The following ZFHX3 variants were observed in gnomAD, a reference collection of about 807,000 sequenced individuals.
ZFHX3 encodes the protein zinc finger homeobox 3.
A neutral mutation model predicts 279.1 loss-of-function variants in ZFHX3; 42 were observed. The observed-to-expected ratio is 0.15, with a 90% CI of 0.12 to 0.19. ZFHX3 has a LOEUF of 0.19. ZFHX3 is among the 10% of genes least tolerant of loss of function. The probability of loss-of-function intolerance (pLI) is 1.00; values close to 1 mark genes in which losing one functional copy is unlikely to be tolerated. For synonymous variants in ZFHX3, 2,293 were observed against 1,957.8 expected (o/e 1.17, Z -4.52); for missense variants, 4,981 against 4,754.0 (o/e 1.05, Z -1.40).
At chr16:72,999,591 C>T (rs1420928167) in intron 1 of ZFHX3, among the ~76,000 whole-genome samples, 6 of 152,182 alleles carry the variant, frequency 3.9e-5, no homozygotes, top group South Asian at 4.1e-4. Flanking sequence ...CAGAAAACTT[C>T]GCAGGCTCAG....
intron 1 of ZFHX3, among the ~76,000 whole-genome samples, chr16:73,772,195 T>C (rs1425059496): frequency 1.3e-5 from 2 of 152,162 alleles, no homozygotes; most frequent in East Asian, 3.9e-4. Context: ...CTAGTCTGTT[T>C]TCACACTGCT....
At chr16:72,981,604 G>C (rs1376557644) in intron 1 of ZFHX3, among the ~76,000 whole-genome samples, 1 of 152,110 alleles carries the variant, frequency 6.6e-6, no homozygotes, top group African/African-American at 2.4e-5. Context: ...GCTCCCAATT[G>C]GGCTGGTTCT....
chr16:73,276,147 G>A (rs1337028073), intron 4 of ZFHX3, among the ~76,000 whole-genome samples: 2 of 151,258 alleles, frequency 1.3e-5, no homozygotes, highest in Non-Finnish European at 3.0e-5. Context: ...GGCATTGGAG[G>A]GGCTGTATTT....
intron 5 of ZFHX3, among the ~76,000 whole-genome samples, chr16:73,222,988 A>C (rs1296366709): frequency 1.3e-5 from 2 of 152,192 alleles, no homozygotes; most frequent in African/African-American, 4.8e-5. Flanking sequence ...TTTTAAACAA[A>C]TGTTGGTGGA....
chr16:73,319,721 C>A (rs748532653), intron 3 of ZFHX3, among the ~76,000 whole-genome samples: 1 of 152,122 alleles, frequency 6.6e-6, no homozygotes, highest in Non-Finnish European at 1.5e-5. Context: ...TCTGTTTATA[C>A]AACAATTTAT....
chr16:72,795,934 T>C lies in ZFHX3; in HGVS notation c.6748A>G (p.Thr2250Ala). The change falls in exon 9 of 10, where the codon ACG becomes GCG. Residue 2250 changes from threonine to alanine, a missense_variant. Physicochemically the swap from Thr to Ala is moderately conservative, Grantham distance 58 (BLOSUM62 0). Around this residue, in one of 7 missense-constraint regions of ZFHX3, gnomAD observed 177 missense variants for 244.2 expected, o/e 0.72. Coordinates refer to ENST00000268489, the MANE Select transcript of ZFHX3 (RefSeq NM_006885.4). Reference sequence around the variant, plus strand: ...TGTAAGACCCTCAGCTGGTAGTCCGTAAACCTTGTTCTTGAAGACCTCTTG... The same window carrying C: ...TGTAAGACCCTCAGCTGGTAGTCCGCAAACCTTGTTCTTGAAGACCTCTTG... ...GSKRSSRTRF[T>A]DYQLRVLQDF... is the part of the protein sequence containing the mutation. 6.2e-7 allele frequency: 1 copy of C among 1,614,178 alleles called. No individual in the cohort carries two copies. The highest frequency in any genetic ancestry group is 8.5e-7 in the Non-Finnish European group (1 of 1,180,032).
chr16:73,674,518 T>C (rs1306524591), intron 2 of ZFHX3, among the ~76,000 whole-genome samples: 1 of 152,218 alleles, frequency 6.6e-6, no homozygotes, highest in Non-Finnish European at 1.5e-5. Context: ...ATGAATTCCT[T>C]TGGTTTTCAG....
chr16:73,080,716 G>A (rs777204038), intron 8 of ZFHX3, among the ~76,000 whole-genome samples: 10 of 151,942 alleles, frequency 6.6e-5, no homozygotes, highest in Non-Finnish European at 1.5e-4. Context: ...TGGGATTATC[G>A]GCATACACCA....
chr16:73,483,284 G>A, intron 2 of ZFHX3: 1 of 430,542 alleles, frequency 2.3e-6, no homozygotes, highest in Non-Finnish European at 4.6e-6. Context: ...GCATAGACAC[G>A]TGCACGGAGC....
chr16:73,341,517 C>T (rs1278631724), intron 3 of ZFHX3, among the ~76,000 whole-genome samples: 2 of 152,116 alleles, frequency 1.3e-5, no homozygotes, highest in East Asian at 3.8e-4. Flanking sequence ...TTGATGGTTC[C>T]TCAAACGATT....
intron 3 of ZFHX3, among the ~76,000 whole-genome samples, chr16:72,935,343 C>A (rs373662364): frequency 2.0e-5 from 3 of 152,240 alleles, no homozygotes; most frequent in South Asian, 2.1e-4. Flanking sequence ...GACAAAGACG[C>A]TCGCCCAAGG....
intron 4 of ZFHX3, among the ~76,000 whole-genome samples, chr16:72,880,362 TTTA>T (rs1280672528): frequency 6.6e-6 from 1 of 152,022 alleles, no homozygotes; most frequent in Non-Finnish European, 1.5e-5. Flanking sequence ...AGACAGGACT[TTTA>T]AGGAGGTGAT....
chr16:73,788,387 A>G (rs1335324399), intron 1 of ZFHX3, among the ~76,000 whole-genome samples: 1 of 152,176 alleles, frequency 6.6e-6, no homozygotes, highest in African/African-American at 2.4e-5. Context: ...TTTATATAAG[A>G]GACTTCGTGT....
chr16:73,093,221 T>C (rs9931941), intron 8 of ZFHX3: 7,674 of 519,162 alleles, frequency 0.015, 487 homozygotes, highest in African/African-American at 0.13. Flanking sequence ...GGTAAGGGAA[T>C]GATCCGGTCC....
At chr16:72,945,837 C>T (rs1237163452) in intron 3 of ZFHX3, among the ~76,000 whole-genome samples, 1 of 151,996 alleles carries the variant, frequency 6.6e-6, no homozygotes, top group African/African-American at 2.4e-5. Context: ...ATGCTTTTTG[C>T]TCTCAGTGCA....
chr16:73,820,276 A>C (rs745634843), intron 1 of ZFHX3, among the ~76,000 whole-genome samples: 1 of 151,660 alleles, frequency 6.6e-6, no homozygotes, highest in Non-Finnish European at 1.5e-5. Flanking sequence ...TTTTTTAGTA[A>C]AGACAGGGTT....
At chr16:73,715,374 C>A (rs1187917794) in intron 1 of ZFHX3, among the ~76,000 whole-genome samples, 1 of 152,134 alleles carries the variant, frequency 6.6e-6, no homozygotes, top group East Asian at 1.9e-4. Flanking sequence ...CGGACGTAGA[C>A]TTGCGTATCT....
chr16:73,487,549 T>G (rs528522905), intron 2 of ZFHX3: 32 of 326,300 alleles, frequency 9.8e-5, no homozygotes, highest in African/African-American at 7.0e-4. Flanking sequence ...CACAGGCACA[T>G]GCCACCATGC....
intron 1 of ZFHX3, among the ~76,000 whole-genome samples, chr16:73,851,671 A>C (rs1418450668): frequency 6.6e-6 from 1 of 152,214 alleles, no homozygotes; most frequent in Non-Finnish European, 1.5e-5. Flanking sequence ...ACGAAGCTAA[A>C]ATTTGAGAAC....
Sources: allele counts gnomAD v4.1 joint callset (sites outside exome capture counted in the v4.1 genomes callset), GRCh38; gene constraint gnomAD v4.1.1; regional missense constraint gnomAD v4.1.1; transcripts MANE v1.5; gene names NCBI Gene and HGNC (gene_info 2026-07-23, HGNC 2026-07-21).